ABCA3: variants seen among roughly 807,000 people sequenced by gnomAD.
The protein encoded by ABCA3 is ATP binding cassette subfamily A member 3, also known as phospholipid-transporting ATPase ABCA3.
ABCA3 carries 88 observed loss-of-function variants against 172.8 expected under a neutral mutation model. That is an observed-to-expected ratio of 0.51 (90% CI 0.43 to 0.61). The LOEUF is 0.61. ABCA3 is among the 20% of genes least tolerant of loss of function. ABCA3 has a pLI of 0.00. For missense variants in ABCA3, 2,164 were observed against 2,301.0 expected (o/e 0.94, Z 1.22); for synonymous variants, 1,066 against 983.8 (o/e 1.08, Z -1.56).
intron 17 of ABCA3, among the ~76,000 whole-genome samples, chr16:2,296,479 C>A (rs527701725): frequency 2.6e-4 from 40 of 152,334 alleles, no homozygotes; most frequent in African/African-American, 9.6e-4. Context: ...AAGTGATCTG[C>A]CTGCCTTGGC....
Position 2,281,215 on chromosome 16 carries a change from C to A in ABCA3, c.4171G>T (p.Glu1391Ter), listed in dbSNP as rs141744909. ...ACGGCCAGGAGGGGCACCCGCTGCT[C>A]GTACACCTGCAGGCACCCAACAGAA... ...LIIKELSKVY[E>*]QRVPLLAVDR... Residue 1391 changes from glutamate (E) to a stop codon, truncating the protein, a stop_gained, in exon 28 of 33, where the codon GAG becomes TAG. Transcript: ENST00000301732. LOFTEE classifies it high-confidence loss of function. The surrounding 1 kb of genome is among the most constrained non-coding windows in gnomAD (Gnocchi z 4.7). The A allele has an allele frequency of 6.2e-7, 1 of 1,613,368 alleles. No individual in the cohort carries two copies. The highest frequency in any genetic ancestry group is 1.3e-5 in the African/African-American group (1 of 74,940).
chr16:2,283,393 T>G lies in ABCA3; in HGVS notation c.3863-35A>C. 6.2e-7 allele frequency: 1 copy of G among 1,604,236 alleles called. No individual in the cohort carries two copies. Among genetic ancestry groups the G allele is most frequent in the Non-Finnish European group, 8.5e-7 (1 of 1,174,394 alleles). On this transcript the variant is annotated intron_variant, in intron 25 of 32. Coordinates refer to ENST00000301732, the MANE Select transcript of ABCA3 (RefSeq NM_001089.3). This position sits in a 1 kb window ranked among gnomAD's most constrained non-coding sequence, Gnocchi z 5.4. ...GAGGGAGTCACTGTGCCCCGAGGCC[T>G]GGGGCACCCTCCTCCCCTTCCAGGT... is the stretch of plus-strand genomic sequence containing the variant.
chr16:2,296,992 T>C lies in ABCA3; in HGVS notation c.2263+337A>G, dbSNP rs1355603032. ...TGTCAGCCCCTGCTGGCCCTGGCCA[T>C]GCTGTGAGCTGCTCTCACGTGGGAG... On this transcript the variant is annotated intron_variant, in intron 17 of 32. Coordinates refer to ENST00000301732, the MANE Select transcript of ABCA3 (RefSeq NM_001089.3). Among the ~76,000 whole-genome samples, 136 of 152,318 alleles carry C rather than the reference T, an allele frequency of 8.9e-4. 1 individual carries two copies. The highest frequency in any genetic ancestry group is 2.4e-4 in the Non-Finnish European group (16 of 68,030).
chr16:2,278,810 C>T lies in ABCA3; in HGVS notation c.4547+133G>A. The T allele has an allele frequency of 7.3e-7, 1 of 1,372,846 alleles. No homozygotes were observed. The highest frequency in any genetic ancestry group is 1.0e-6 in the Non-Finnish European group (1 of 982,028). 85.0% of individuals were successfully genotyped at this position (1,372,846 alleles called of 1,614,324 possible). ...CGTGGAGCTACCTGGGTCACACCAC[C>T]ACATCCCAGCTCCATCCTGGAGCCA... On this transcript the variant is annotated intron_variant, in intron 29 of 32. Coordinates refer to ENST00000301732, the MANE Select transcript of ABCA3 (RefSeq NM_001089.3). The surrounding 1 kb of genome is among the most constrained non-coding windows in gnomAD (Gnocchi z 4.4).
rs1289277143 is a variant in ABCA3 at position 2,335,394 on chromosome 16, C to T, written c.-539+5179G>A. Among the ~76,000 whole-genome samples, 5 of 152,118 alleles carry T rather than the reference C, an allele frequency of 3.3e-5. No individual in the cohort carries two copies. The East Asian group carries it at 9.6e-4, about 29-fold the overall frequency. On this transcript the variant is annotated intron_variant, in intron 1 of 32. Transcript: ENST00000301732. ...GAATGCAGTGGTGTGATCCTCCTGC[C>T]TCAGCCTCCTAAGTAGCTGGGACTA...
intron 8 of ABCA3, among the ~76,000 whole-genome samples, chr16:2,318,672 C>T (rs909280151): frequency 2.0e-5 from 3 of 151,992 alleles, no homozygotes; most frequent in African/African-American, 7.3e-5. Flanking sequence ...GCTACCACGC[C>T]TGGCTAATTT....
intron 8 of ABCA3, among the ~76,000 whole-genome samples, chr16:2,319,221 C>G (rs368079927): frequency 1.3e-5 from 2 of 152,132 alleles, no homozygotes; most frequent in African/African-American, 4.8e-5. Flanking sequence ...CACGGTGGCT[C>G]ACGCCTGTAA....
intron 8 of ABCA3, among the ~76,000 whole-genome samples, chr16:2,318,660 A>G (rs908667211): frequency 3.3e-5 from 5 of 151,920 alleles, no homozygotes; most frequent in South Asian, 2.1e-4. Flanking sequence ...TTACAGGTGC[A>G]TGCTACCACG....
At chr16:2,313,552 CAAAAAAA>C (rs56389139) in intron 10 of ABCA3, among the ~76,000 whole-genome samples, 36 of 61,908 alleles carry the variant, frequency 5.8e-4, no homozygotes, top group African/African-American at 2.2e-3. Context: ...GACTCTGTCA[CAAAAAAA>C]AAAAAAAAAA....
intron 18 of ABCA3, among the ~76,000 whole-genome samples, chr16:2,294,088 C>T (rs1341083068): frequency 6.6e-6 from 1 of 150,534 alleles, no homozygotes. Context: ...GGTGTGATTT[C>T]GGCTCACTGC....
intron 10 of ABCA3, among the ~76,000 whole-genome samples, chr16:2,311,287 TG>T (rs1306428527): frequency 6.6e-6 from 1 of 152,158 alleles, no homozygotes; most frequent in Non-Finnish European, 1.5e-5. Flanking sequence ...TACCCTTTTA[TG>T]TTGTTTGGTT....
At position 2,277,529 on chromosome 16, in the gene ABCA3, G is replaced by A. The variant is rs2093648323; in HGVS notation, c.4983+68C>T. 1 of 1,527,582 alleles carries A rather than the reference G, an allele frequency of 6.5e-7. No individual in the cohort carries two copies. Among genetic ancestry groups the A allele is most frequent in the Non-Finnish European group, 9.0e-7 (1 of 1,108,718 alleles). 94.6% of individuals were successfully genotyped at this position (1,527,582 alleles called of 1,614,324 possible). ...GAAAGAGCCTGCAGTCACCACAGAG[G>A]GAGAGACCCCTGGAGGGACCTCCCC... On this transcript the variant is annotated intron_variant, in intron 32 of 32. Transcript: ENST00000301732. This position sits in a 1 kb window ranked among gnomAD's most constrained non-coding sequence, Gnocchi z 5.3.
intron 1 of ABCA3, among the ~76,000 whole-genome samples, chr16:2,338,497 C>T (rs1309511703): frequency 6.6e-6 from 1 of 152,114 alleles, no homozygotes; most frequent in Non-Finnish European, 1.5e-5. Context: ...CATCTGAGGC[C>T]CACCCCTGGA....
At chr16:2,330,103 C>G (rs1218810783) in intron 1 of ABCA3, among the ~76,000 whole-genome samples, 2 of 151,650 alleles carry the variant, frequency 1.3e-5, no homozygotes, top group Admixed American at 6.6e-5. Flanking sequence ...TAAGACCAAC[C>G]CAGCCAACAT....
chr16:2,308,298 C>A (rs2093700946), intron 11 of ABCA3, 152 bp downstream of exon 11: 3 of 944,298 alleles, frequency 3.2e-6, no homozygotes, highest in Admixed American at 2.0e-5. Flanking sequence ...CCAGCCCACA[C>A]TCAGCGCTGT....
intron 1 of ABCA3, among the ~76,000 whole-genome samples, chr16:2,335,906 T>C (rs1341260108): frequency 6.6e-6 from 1 of 152,224 alleles, no homozygotes; most frequent in Non-Finnish European, 1.5e-5. Flanking sequence ...GCTTAGTATT[T>C]CAAAGAGTCA....
intron 6 of ABCA3, 107 bp from the exon 7 acceptor site, chr16:2,323,795 AC>A: frequency 8.3e-7 from 1 of 1,202,412 alleles, no homozygotes; most frequent in Non-Finnish European, 1.2e-6. Context: ...CCGAGAACTC[AC>A]CACTCCCCCG....
intron 7 of ABCA3, among the ~76,000 whole-genome samples, chr16:2,322,228 CAAAT>C: frequency 6.6e-6 from 1 of 150,850 alleles, no homozygotes; most frequent in Non-Finnish European, 1.5e-5. Flanking sequence ...AGCTGAAATA[CAAAT>C]GTTTCATTCA....
intron 9 of ABCA3, 117 bp from the exon 10 acceptor site, chr16:2,317,520 G>A (rs2093718091): frequency 2.5e-6 from 4 of 1,572,618 alleles, no homozygotes; most frequent in Non-Finnish European, 3.5e-6. Flanking sequence ...GACATTGACA[G>A]CTCCTCTCCC....
Sources: gnomAD v4.1 joint callset for allele counts (sites outside exome capture counted in the v4.1 genomes callset) on GRCh38, gnomAD v4.1.1 for gene constraint, Gnocchi (gnomAD v3.1) non-coding constraint, MANE v1.5 for transcripts, NCBI Gene and HGNC (gene_info 2026-07-23, HGNC 2026-07-21) for gene names.